Variants in PXT1 observed in about 807,000 individuals in gnomAD.
The protein encoded by PXT1 is peroxisomal testis enriched protein 1.
A neutral mutation model predicts 11.0 loss-of-function variants in PXT1; 11 were observed. That is an observed-to-expected ratio of 1.00 (90% confidence interval 0.63 to 1.66). PXT1 has a LOEUF of 1.66. Ranked by LOEUF, PXT1 falls within the 40% of genes most tolerant of loss-of-function variation. The probability of loss-of-function intolerance (pLI) is 0.00; values close to 1 mark genes in which losing one functional copy is unlikely to be tolerated. For synonymous variants in PXT1, 43 were observed against 51.4 expected, an observed-to-expected ratio of 0.84 and a Z score of 0.70; for missense variants, 141 against 155.5, an observed-to-expected ratio of 0.91 and a Z score of 0.49.
At chr6:36,404,463 A>T (rs1327618557) in intron 3 of PXT1, among the ~76,000 whole-genome samples, 1 of 152,160 alleles carries the variant, frequency 6.6e-6, no homozygotes, top group Non-Finnish European at 1.5e-5. Context: ...CTGGGACCAC[A>T]GGTGCATGCC....
At chr6:36,415,848 G>A (rs1188736844) in intron 3 of PXT1, among the ~76,000 whole-genome samples, 1 of 152,166 alleles carries the variant, frequency 6.6e-6, no homozygotes, top group Admixed American at 6.5e-5. Context: ...TGAACAGGAG[G>A]AGGGTTCCCC....
At chr6:36,426,544 A>G (rs1774610560) in intron 2 of PXT1, among the ~76,000 whole-genome samples, 1 of 151,430 alleles carries the variant, frequency 6.6e-6, no homozygotes, top group Non-Finnish European at 1.5e-5. Context: ...CTAATTTTGT[A>G]TTTTTAGTAG....
At chr6:36,427,371 T>C (rs375401779) in intron 2 of PXT1, among the ~76,000 whole-genome samples, 57 of 152,258 alleles carry the variant, frequency 3.7e-4, no homozygotes, top group African/African-American at 1.2e-3. Flanking sequence ...AGTTCAAAAC[T>C]TTCTGTTCTA....
intron 2 of PXT1, among the ~76,000 whole-genome samples, chr6:36,428,468 C>T (rs1774640447): frequency 6.7e-6 from 1 of 150,374 alleles, no homozygotes; most frequent in Admixed American, 6.7e-5. Flanking sequence ...CAAGATGTAG[C>T]TACCAGGCGA....
At chr6:36,432,533 G>C (rs1774707227) in intron 2 of PXT1, among the ~76,000 whole-genome samples, 1 of 152,114 alleles carries the variant, frequency 6.6e-6, no homozygotes, top group South Asian at 2.1e-4. Context: ...TAAGTGCTTA[G>C]AGAAGAAGAA....
chr6:36,423,595 C>T (rs370880348), intron 3 of PXT1, among the ~76,000 whole-genome samples: 2 of 152,354 alleles, frequency 1.3e-5, no homozygotes, highest in East Asian at 1.9e-4. Flanking sequence ...TTCTATCAGT[C>T]TTTGGTTACT....
chr6:36,433,837 A>AAAAAAAG lies in PXT1; in HGVS notation c.-10+4929_-10+4930insCTTTTTT, dbSNP rs10677902. 1.2e-3 allele frequency among the ~76,000 whole-genome samples: 162 copies of AAAAAAAG among 132,856 alleles called. 13 individuals are homozygous for AAAAAAAG. Among genetic ancestry groups the AAAAAAAG allele is most frequent in the Middle Eastern group, 4.1e-3 (1 of 244 alleles). The allele number at this position is 132,856 out of a possible 152,430, so 87.2% of individuals were successfully genotyped here. On this transcript the variant is annotated intron_variant, in intron 2 of 4. Transcript: ENST00000454782. ...GACTCTGTCTCAGGAAAAAAAAAAA[A>AAAAAAAG]AAAGAAAAGAAAAGAGGCTAAAGAG...
chr6:36,435,650 A>G (rs1774752135), intron 2 of PXT1, among the ~76,000 whole-genome samples: 1 of 152,198 alleles, frequency 6.6e-6, no homozygotes, highest in Non-Finnish European at 1.5e-5. Flanking sequence ...GCCCAGAACA[A>G]CAAATGGAAA....
chr6:36,439,653 A>G (rs1420569661), intron 1 of PXT1, among the ~76,000 whole-genome samples: 1 of 148,576 alleles, frequency 6.7e-6, no homozygotes, highest in Non-Finnish European at 1.5e-5. Context: ...TGAAAAAAAA[A>G]AAAAAAAAAC....
chr6:36,411,260 A>G (rs1277035951), intron 3 of PXT1, among the ~76,000 whole-genome samples: 3 of 151,592 alleles, frequency 2.0e-5, no homozygotes, highest in African/African-American at 4.9e-5. Context: ...GACCAGCCTG[A>G]CCAACATAGT....
chr6:36,408,087 G>A lies in PXT1; in HGVS notation c.170-7503C>T, dbSNP rs934252329. ...AGTGATTCTCCTGCCTCAGCCTCCC[G>A]AGTAGCTGGGATTACAGGAGCCTGC... On this transcript the variant is annotated intron_variant, in intron 3 of 4. Transcript: ENST00000454782. Among the ~76,000 whole-genome samples, 54 of 150,260 alleles carry A rather than the reference G, an allele frequency of 3.6e-4. 2 individuals carry two copies. The highest frequency in any genetic ancestry group is 2.4e-3 in the Admixed American group (36 of 15,058).
In PXT1 at chr6:36,421,009, T is replaced by C. The variant is rs539552862; in HGVS notation, c.169+4905A>G. Among the ~76,000 whole-genome samples the C allele has an allele frequency of 1.6e-4, 24 of 150,554 alleles. 1 individual carries two copies. In the East Asian group the frequency reaches 4.5e-3, roughly 28 times the overall value. On this transcript the variant is annotated intron_variant, in intron 3 of 4. Coordinates refer to ENST00000454782, the MANE Select transcript of PXT1 (RefSeq NM_152990.4). ...GGCGGAGGTTGCAGCGAGCCAAGAT[T>C]GTGCCACTGCACTCCAGCTTGGGCG...
intron 4 of PXT1, among the ~76,000 whole-genome samples, chr6:36,398,839 G>T (rs1334581592): frequency 6.6e-6 from 1 of 152,100 alleles, no homozygotes; most frequent in Non-Finnish European, 1.5e-5. Context: ...CCCATTGGAA[G>T]TCACTCTCCA....
chr6:36,434,596 ATAGT>A (rs1199458010), intron 2 of PXT1, among the ~76,000 whole-genome samples: 2 of 152,208 alleles, frequency 1.3e-5, no homozygotes, highest in East Asian at 3.8e-4. Context: ...TTTTGATGAA[ATAGT>A]TGGGTGTATA....
At chr6:36,423,551 C>G (rs632643) in intron 3 of PXT1, among the ~76,000 whole-genome samples, 3 of 152,230 alleles carry the variant, frequency 2.0e-5, no homozygotes, top group Admixed American at 2.0e-4. Flanking sequence ...TTAGGGAGGC[C>G]GGGTTCCCGA....
At chr6:36,412,647 A>T (rs1774390992) in intron 3 of PXT1, among the ~76,000 whole-genome samples, 1 of 113,936 alleles carries the variant, frequency 8.8e-6, no homozygotes, top group South Asian at 2.7e-4. Flanking sequence ...CAAGAGAGCA[A>T]GACTCCGTCT....
intron 4 of PXT1, among the ~76,000 whole-genome samples, chr6:36,398,084 A>G (rs894752018): frequency 2.6e-5 from 4 of 152,200 alleles, no homozygotes; most frequent in African/African-American, 9.6e-5. Context: ...ATATGAATAG[A>G]CATTTCTCCA....
In PXT1 at chr6:36,420,075, T is replaced by C. The variant is rs534213467; in HGVS notation, c.169+5839A>G. Among the ~76,000 whole-genome samples the C allele has an allele frequency of 8.5e-5, 13 of 152,358 alleles. No individual in the cohort carries two copies. In the South Asian group the frequency reaches 2.7e-3, roughly 32 times the overall value. The stretch of plus-strand genomic sequence containing the variant: ...AATCTATTTTTTAAGCAAACACTTA[T>C]ATAGCACTTACAACATGTCAGCCAC... On this transcript the variant is annotated intron_variant, in intron 3 of 4. Coordinates refer to ENST00000454782, the MANE Select transcript of PXT1 (RefSeq NM_152990.4).
At position 36,424,432 on chromosome 6, in the gene PXT1, GAGA is replaced by G. The variant is rs544869470; in HGVS notation, c.169+1479_169+1481del. On this transcript the variant is annotated intron_variant, in intron 3 of 4. Transcript: ENST00000454782. ...CGAGGCGGGCAGATCACGAGGTCAG[GAGA>G]TCAAGACCATCCTGGCTAACACGGT... Among the ~76,000 whole-genome samples, 1,025 of 150,108 alleles carry G rather than the reference GAGA, an allele frequency of 6.8e-3. 5 individuals carry two copies. Among genetic ancestry groups the G allele is most frequent in the African/African-American group, 0.019 (796 of 40,870 alleles).
Sources: allele counts gnomAD v4.1 joint callset (sites outside exome capture counted in the v4.1 genomes callset), GRCh38; gene constraint gnomAD v4.1.1; transcripts MANE v1.5; gene names NCBI Gene and HGNC (gene_info 2026-07-23, HGNC 2026-07-21).